Variants in DCC observed in about 807,000 individuals in gnomAD.
The protein encoded by DCC is DCC netrin 1 receptor, also known as netrin receptor DCC.
DCC carries 58 observed loss-of-function variants against 172.5 expected under a neutral mutation model. The ratio of observed to expected loss-of-function variants is 0.34; its 90% CI spans 0.27 to 0.42. The LOEUF is 0.42. DCC is among the 10% of genes least tolerant of loss of function. The pLI is 1.00. For synonymous variants in DCC, 709 were observed against 644.5 expected, an observed-to-expected ratio of 1.10 and a Z score of -1.52; for missense variants, 1,740 against 1,791.0, an observed-to-expected ratio of 0.97 and a Z score of 0.51.
chr18:52,682,872 A>G (rs2035772429), intron 1 of DCC, among the ~76,000 whole-genome samples: 1 of 152,086 alleles, frequency 6.6e-6, no homozygotes, highest in Admixed American at 6.6e-5. Context: ...TCCTAAGAGC[A>G]AGTGCTAAGT....
chr18:53,204,188 G>GA (rs67046082), intron 9 of DCC, among the ~76,000 whole-genome samples: 132,870 of 150,334 alleles, frequency 0.88, 58,836 homozygotes, highest in Middle Eastern at 0.93. Flanking sequence ...AGGGAAAAAA[G>GA]AAAAAAAAAC....
At chr18:53,189,861 A>G (rs2055339681) in intron 9 of DCC, among the ~76,000 whole-genome samples, 1 of 152,134 alleles carries the variant, frequency 6.6e-6, no homozygotes, top group Admixed American at 6.5e-5. Context: ...CTACTGTTTG[A>G]CCTTCAGTTG....
At chr18:52,547,054 A>T (rs1355008402) in intron 1 of DCC, among the ~76,000 whole-genome samples, 5 of 152,154 alleles carry the variant, frequency 3.3e-5, no homozygotes, top group African/African-American at 1.2e-4. Context: ...CCTTATGAGA[A>T]TCATTTAATC....
At chr18:52,889,513 T>A (rs547052416) in intron 2 of DCC, among the ~76,000 whole-genome samples, 2 of 152,258 alleles carry the variant, frequency 1.3e-5, no homozygotes, top group Non-Finnish European at 2.9e-5. Flanking sequence ...TGGACAGATA[T>A]GTAGCTATTG....
intron 12 of DCC, among the ~76,000 whole-genome samples, chr18:53,300,649 T>A (rs1488798538): frequency 6.6e-6 from 1 of 152,206 alleles, no homozygotes; most frequent in Non-Finnish European, 1.5e-5. Flanking sequence ...AACCAGAGGC[T>A]TGAAGGAACC....
rs555702159 is a variant in DCC, at chr18:52,451,155, G to C, written c.91+110277G>C. Among the ~76,000 whole-genome samples, 4 of 152,244 alleles carry C rather than the reference G, an allele frequency of 2.6e-5. No homozygotes were observed. In the South Asian group the frequency reaches 8.3e-4, roughly 32 times the overall value. The stretch of plus-strand genomic sequence containing the variant: ...TTAGTGAGCACCAGACCCAAAGTAT[G>C]TCTTTCCTCCCTCCCTTCTTTCCAG... On this transcript the variant is annotated intron_variant, in intron 1 of 28. Coordinates refer to ENST00000442544, the MANE Select transcript of DCC (RefSeq NM_005215.4).
intron 2 of DCC, among the ~76,000 whole-genome samples, chr18:52,893,533 G>C (rs1220275726): frequency 2.6e-5 from 4 of 152,142 alleles, no homozygotes; most frequent in Non-Finnish European, 5.9e-5. Flanking sequence ...AATGAATAGG[G>C]AAATGTCTTG....
chr18:52,728,729 A>G (rs564907379), intron 1 of DCC, among the ~76,000 whole-genome samples: 3 of 152,320 alleles, frequency 2.0e-5, no homozygotes, highest in African/African-American at 7.2e-5. Flanking sequence ...AAGCTAACAT[A>G]TCAGTTATGA....
At chr18:52,512,189 G>A (rs1345607980) in intron 1 of DCC, among the ~76,000 whole-genome samples, 1 of 152,166 alleles carries the variant, frequency 6.6e-6, no homozygotes. Context: ...CTATAAAAGG[G>A]TTGTGCAATT....
chr18:53,450,551 A>G lies in DCC; in HGVS notation c.3281A>G (p.Lys1094Arg). 6.2e-7 allele frequency: 1 copy of G among 1,614,096 alleles called. No individual in the cohort carries two copies. The highest frequency in any genetic ancestry group is 1.7e-5 in the Admixed American group (1 of 60,004). The stretch of plus-strand genomic sequence containing the variant: ...CCGCATGGCAGTGTCACTCCTCAGA[A>G]GAACAGCAACCTGCTTGTGATCATT... Reference protein sequence around the residue: ...HPPHGSVTPQKNSNLLVIIVV... With the variant: ...HPPHGSVTPQRNSNLLVIIVV... Residue 1094 changes from lysine to arginine, a missense_variant, in exon 23 of 29, where the codon AAG becomes AGG. Lys to Arg is a conservative substitution (Grantham distance 26). This residue lies in a region of DCC where 1,732 missense variants were observed against 1,767.4 expected (regional missense o/e 0.98). Transcript: ENST00000442544.
At chr18:52,604,809 T>TTGATGA (rs971361093) in intron 1 of DCC, among the ~76,000 whole-genome samples, 1 of 151,466 alleles carries the variant, frequency 6.6e-6, no homozygotes, top group African/African-American at 2.4e-5. Flanking sequence ...TTTATGCAGA[T>TTGATGA]TATACTTGTG....
chr18:53,056,570 A>G (rs571051995), intron 5 of DCC, among the ~76,000 whole-genome samples: 2 of 152,292 alleles, frequency 1.3e-5, no homozygotes, highest in South Asian at 2.1e-4. Flanking sequence ...ATTTAGAGGT[A>G]GCCCAATTTG....
intron 1 of DCC, among the ~76,000 whole-genome samples, chr18:52,498,383 G>C (rs991351949): frequency 6.6e-6 from 1 of 152,136 alleles, no homozygotes; most frequent in Non-Finnish European, 1.5e-5. Flanking sequence ...CAGCACTTTG[G>C]GGGGCCAAGG....
intron 2 of DCC, among the ~76,000 whole-genome samples, chr18:52,761,021 T>A (rs2037151657): frequency 1.3e-5 from 2 of 152,238 alleles, no homozygotes; most frequent in African/African-American, 4.8e-5. Flanking sequence ...TAATAAGCAG[T>A]CTAATACATT....
intron 12 of DCC, among the ~76,000 whole-genome samples, chr18:53,286,665 C>T (rs548123642): frequency 9.9e-5 from 15 of 152,270 alleles, no homozygotes; most frequent in African/African-American, 2.2e-4. Context: ...CTGCCTTCTT[C>T]GCCTTCTTCT....
intron 12 of DCC, among the ~76,000 whole-genome samples, chr18:53,249,817 AG>A (rs2144655479): frequency 6.6e-6 from 1 of 152,098 alleles, no homozygotes; most frequent in African/African-American, 2.4e-5. Context: ...CTTCAATAAA[AG>A]TTAATGGCAT....
chr18:53,518,809 T>C (rs2046367888), intron 27 of DCC, among the ~76,000 whole-genome samples: 1 of 152,156 alleles, frequency 6.6e-6, no homozygotes. Context: ...TGGCTTCAGA[T>C]TGAGCATTCG....
At chr18:52,663,457 T>G (rs2035401767) in intron 1 of DCC, among the ~76,000 whole-genome samples, 1 of 152,138 alleles carries the variant, frequency 6.6e-6, no homozygotes, top group South Asian at 2.1e-4. Flanking sequence ...TACTGCTAAG[T>G]GGACCTAGAT....
chr18:52,404,098 T>C (rs569461442), intron 1 of DCC, among the ~76,000 whole-genome samples: 128 of 152,008 alleles, frequency 8.4e-4, no homozygotes, highest in African/African-American at 3.0e-3. Context: ...GGGTAGGAGG[T>C]GGGATTCCTA....
Sources: allele counts gnomAD v4.1 joint callset (sites outside exome capture counted in the v4.1 genomes callset), GRCh38; gene constraint gnomAD v4.1.1; regional missense constraint gnomAD v4.1.1; transcripts MANE v1.5; gene names NCBI Gene and HGNC (gene_info 2026-07-23, HGNC 2026-07-21).